The following TSPAN10 variants were observed in gnomAD, a reference collection of about 807,000 sequenced individuals.
The protein encoded by TSPAN10 is tetraspanin 10.
Under a neutral mutation model 15.0 loss-of-function variants are expected in TSPAN10, and 11 were observed. The observed-to-expected ratio is 0.73, with a 90% CI of 0.46 to 1.21. The LOEUF is 1.21. TSPAN10 is among the 50% of genes most tolerant of loss of function. The pLI is 0.00. For synonymous variants in TSPAN10, 241 were observed against 226.2 expected (o/e 1.07, Z -0.59); for missense variants, 486 against 470.6 (o/e 1.03, Z -0.30).
chr17:81,642,083 C>T (rs1189848514), upstream of TSPAN10, among the ~76,000 whole-genome samples: 2 of 108,048 alleles, frequency 1.9e-5, no homozygotes, highest in Non-Finnish European at 3.5e-5. Context: ...TGGGGGGCTG[C>T]AGTGAGAGCC....
At chr17:81,638,918 A>G (rs577712823), upstream of TSPAN10, 12 of 152,266 alleles carry the variant, frequency 7.9e-5, no homozygotes, top group African/African-American at 2.9e-4. Context: ...TTCTAATCTT[A>G]TGGCTAATTT....
chr17:81,648,017 G>C (rs1482764330), exon 3 of TSPAN10: 1 of 1,607,968 alleles, frequency 6.2e-7, no homozygotes, highest in Admixed American at 1.7e-5. Context: ...GGGGTCCTGC[G>C]CCTGGATGCG....
chr17:81,639,356 CG>C (rs2036156204), upstream of TSPAN10, among the ~76,000 whole-genome samples: 1 of 151,592 alleles, frequency 6.6e-6, no homozygotes, highest in African/African-American at 2.4e-5. Context: ...TACAAGCGTG[CG>C]CTACCACGCC....
chr17:81,639,357 G>A (rs368684803), upstream of TSPAN10, among the ~76,000 whole-genome samples: 12 of 151,794 alleles, frequency 7.9e-5, no homozygotes, highest in East Asian at 1.2e-3. Context: ...ACAAGCGTGC[G>A]CTACCACGCC....
At chr17:81,645,718 TA>T in intron 2 of TSPAN10, 89 bp downstream of exon 3, 2 of 1,505,312 alleles carry the variant, frequency 1.3e-6, no homozygotes, top group Admixed American at 3.6e-5. Flanking sequence ...CACTCACACG[TA>T]CATACTCATT....
intron 2 of TSPAN10, among the ~76,000 whole-genome samples, chr17:81,647,298 G>A (rs1158509459): frequency 2.0e-5 from 3 of 152,190 alleles, no homozygotes; most frequent in East Asian, 3.8e-4. Context: ...AGAGGGCATG[G>A]GGATGAGCCT....
exon 3 of TSPAN10, chr17:81,648,000 C>T (rs1373975472): frequency 1.9e-6 from 3 of 1,610,394 alleles, no homozygotes; most frequent in Non-Finnish European, 1.7e-6. Context: ...ACGACCAGTG[C>T]GGCTTCGGGG....
upstream of TSPAN10, among the ~76,000 whole-genome samples, chr17:81,641,095 G>A (rs1443954077): frequency 6.6e-6 from 1 of 151,736 alleles, no homozygotes; most frequent in Non-Finnish European, 1.5e-5. Flanking sequence ...AACCCAGGAG[G>A]CAGAGGTTGC....
At chr17:81,645,352 G>T (rs771019730) in exon 2 of TSPAN10, 7 of 1,587,398 alleles carry the variant, frequency 4.4e-6, no homozygotes, top group African/African-American at 2.7e-5. Flanking sequence ...GGTGGTCAGC[G>T]CAGTGAGCCT....
chr17:81,639,058 A>G (rs1787584091), upstream of TSPAN10: 1 of 152,176 alleles, frequency 6.6e-6, no homozygotes, highest in African/African-American at 2.4e-5. Flanking sequence ...GCCTACACCC[A>G]GGAATGAACA....
At chr17:81,648,410 G>A, downstream of TSPAN10, 3 of 1,026,512 alleles carry the variant, frequency 2.9e-6, no homozygotes, top group Non-Finnish European at 3.7e-6. Flanking sequence ...GGCTTCGGGT[G>A]ACTTCGCCGC....
chr17:81,639,610 G>A (rs1175939427), upstream of TSPAN10, among the ~76,000 whole-genome samples: 2 of 151,762 alleles, frequency 1.3e-5, no homozygotes, highest in Non-Finnish European at 2.9e-5. Context: ...TTAAGGCTGG[G>A]GTCTTGGCCG....
chr17:81,643,164 C>G (rs2036197838), intron 1 of TSPAN10, among the ~76,000 whole-genome samples: 1 of 150,674 alleles, frequency 6.6e-6, no homozygotes, highest in Non-Finnish European at 1.5e-5. Flanking sequence ...GCCACCACAC[C>G]CAGCTAATTT....
chr17:81,645,420 G>A, exon 2 of TSPAN10: 5 of 1,603,100 alleles, frequency 3.1e-6, no homozygotes, highest in Non-Finnish European at 4.2e-6. Flanking sequence ...GCTTCTCTGG[G>A]GGCATCCTTG....
At chr17:81,640,121 C>T (rs1409465833), upstream of TSPAN10, among the ~76,000 whole-genome samples, 1 of 151,954 alleles carries the variant, frequency 6.6e-6, no homozygotes, top group Non-Finnish European at 1.5e-5. Flanking sequence ...TAGCTGGGAC[C>T]ACAAGTGCTC....
At position 81,644,986 on chromosome 17, in the gene TSPAN10, C is replaced by T; in HGVS notation, c.37-6C>T. The T allele has an allele frequency of 1.2e-6, 2 of 1,610,296 alleles. No homozygotes were observed. Among genetic ancestry groups the T allele is most frequent in the Non-Finnish European group, 1.7e-6 (2 of 1,179,588 alleles). ...CGGTCTCACCCTGTTCCTCTTCCCTCTGCAGGAAACTGCAGGCCAGAAGCC... is the reference window on the plus strand; with the variant it reads ...CGGTCTCACCCTGTTCCTCTTCCCTTTGCAGGAAACTGCAGGCCAGAAGCC... On this transcript the variant is annotated splice_region_variant and splice_polypyrimidine_tract_variant and intron_variant, in intron 1 of 2. Transcript: ENST00000611590.
intron 2 of TSPAN10, chr17:81,647,688 G>C (rs2036273072): frequency 1.5e-6 from 1 of 647,064 alleles, no homozygotes; most frequent in African/African-American, 1.8e-5. Flanking sequence ...CAAGCGCAGA[G>C]GACTGCCGTG....
At chr17:81,648,312 C>G (rs1235549147), downstream of TSPAN10, 1 of 1,204,424 alleles carries the variant, frequency 8.3e-7, no homozygotes, top group Non-Finnish European at 1.0e-6. Flanking sequence ...CCCCGAGGTC[C>G]GAGACCGCCA....
At chr17:81,641,165 C>CA (rs201926886), upstream of TSPAN10, among the ~76,000 whole-genome samples, 365 of 143,474 alleles carry the variant, frequency 2.5e-3, 1 homozygote, top group African/African-American at 7.4e-3. Flanking sequence ...ACTCTTGTCT[C>CA]AAAAAAAAAA....
Sources: gnomAD v4.1 joint callset for allele counts (sites outside exome capture counted in the v4.1 genomes callset) on GRCh38, gnomAD v4.1.1 for gene constraint, MANE v1.5 for transcripts, NCBI Gene and HGNC (gene_info 2026-07-23, HGNC 2026-07-21) for gene names.